TTC23: variants seen among roughly 807,000 people sequenced by gnomAD.
The protein encoded by TTC23 is tetratricopeptide repeat domain 23, also known as tetratricopeptide repeat protein 23.
In TTC23, 58 loss-of-function variants were observed where a neutral mutation model predicts 55.1. The ratio of observed to expected loss-of-function variants is 1.05; its 90% CI spans 0.85 to 1.31. The LOEUF (loss-of-function observed/expected upper bound fraction) is 1.31. Ranked by LOEUF, TTC23 falls within the 50% of genes most tolerant of loss-of-function variation. TTC23 has a pLI of 0.00. For synonymous variants in TTC23, 203 were observed against 199.9 expected, an observed-to-expected ratio of 1.02 and a Z score of -0.13; for missense variants, 516 against 534.4, an observed-to-expected ratio of 0.97 and a Z score of 0.34.
intron 12 of TTC23, chr15:99,140,088 ATAAAG>A (rs2068053243): frequency 9.7e-6 from 2 of 206,924 alleles, no homozygotes; most frequent in South Asian, 8.3e-5. Context: ...ATTTTTTTAA[ATAAAG>A]TAATTAAGAC....
chr15:99,213,965 C>T (rs1300401355), intron 8 of TTC23, among the ~76,000 whole-genome samples: 1 of 152,062 alleles, frequency 6.6e-6, no homozygotes, highest in Admixed American at 6.5e-5. Flanking sequence ...GGAGACAATG[C>T]CAAATAGTTT....
chr15:99,229,144 T>C (rs1596935548), intron 4 of TTC23, among the ~76,000 whole-genome samples: 2 of 150,218 alleles, frequency 1.3e-5, no homozygotes, highest in South Asian at 2.1e-4. Context: ...TGCATGTACA[T>C]ATATATATAT....
chr15:99,238,534 G>T (rs1178817254), intron 3 of TTC23, among the ~76,000 whole-genome samples: 1 of 152,158 alleles, frequency 6.6e-6, no homozygotes, highest in Non-Finnish European at 1.5e-5. Flanking sequence ...GAAGGGAGAA[G>T]AGAAAGCATC....
intron 10 of TTC23, among the ~76,000 whole-genome samples, chr15:99,173,139 C>A (rs779529188): frequency 3.3e-5 from 5 of 152,202 alleles, no homozygotes; most frequent in Non-Finnish European, 7.3e-5. Context: ...ATGGACCCAC[C>A]TCCCCTTACT....
chr15:99,157,440 G>A (rs1855849527), intron 11 of TTC23: 1 of 152,008 alleles, frequency 6.6e-6, no homozygotes, highest in African/African-American at 2.4e-5. Context: ...TTGAACTCCT[G>A]ACCTCAAGTG....
intron 9 of TTC23, among the ~76,000 whole-genome samples, chr15:99,197,030 C>G (rs766427590): frequency 6.6e-6 from 1 of 152,142 alleles, no homozygotes; most frequent in Non-Finnish European, 1.5e-5. Flanking sequence ...ATCTCAGTAC[C>G]TTTTGTAACT....
intron 10 of TTC23, among the ~76,000 whole-genome samples, chr15:99,167,354 A>G (rs2072264400): frequency 6.6e-6 from 1 of 152,248 alleles, no homozygotes; most frequent in Admixed American, 6.5e-5. Context: ...TCTGATGCCG[A>G]AGGCCTGGGC....
At chr15:99,227,145 G>A (rs2078515742) in intron 5 of TTC23, among the ~76,000 whole-genome samples, 1 of 152,166 alleles carries the variant, frequency 6.6e-6, no homozygotes, top group Admixed American at 6.5e-5. Context: ...TAATGAACAA[G>A]CACAACCTCA....
chr15:99,242,205 T>C (rs2079869773), intron 2 of TTC23, among the ~76,000 whole-genome samples: 1 of 150,668 alleles, frequency 6.6e-6, no homozygotes, highest in Non-Finnish European at 1.5e-5. Flanking sequence ...TGTACGCTAG[T>C]TAAGAAGCAA....
chr15:99,214,189 C>T (rs1276910166), intron 8 of TTC23, among the ~76,000 whole-genome samples: 1 of 152,028 alleles, frequency 6.6e-6, no homozygotes, highest in Non-Finnish European at 1.5e-5. Context: ...GCACAGCTCA[C>T]TGCAAACTCA....
At chr15:99,249,050 T>C (rs1313822941) in intron 1 of TTC23, 121 bp downstream of exon 1, 3 of 152,142 alleles carry the variant, frequency 2.0e-5, no homozygotes, top group African/African-American at 7.2e-5. Flanking sequence ...AAAATATCCA[T>C]ATAAAAATTA....
intron 8 of TTC23, among the ~76,000 whole-genome samples, chr15:99,205,292 G>A (rs954821690): frequency 1.3e-5 from 2 of 152,020 alleles, no homozygotes; most frequent in Non-Finnish European, 2.9e-5. Flanking sequence ...GACTTTCGTG[G>A]TTCCACATAA....
intron 1 of TTC23, among the ~76,000 whole-genome samples, chr15:99,248,893 T>C (rs1293103968): frequency 6.6e-6 from 1 of 152,182 alleles, no homozygotes; most frequent in East Asian, 1.9e-4. Context: ...GTATCTGTAG[T>C]ATGTTTTGTT....
upstream of TTC23, among the ~76,000 whole-genome samples, chr15:99,249,998 TA>T (rs556498208): frequency 1.7e-3 from 264 of 152,044 alleles, 2 homozygotes; most frequent in Admixed American, 2.8e-3. Flanking sequence ...TATTCCCCAT[TA>T]AAAAAAAGAA....
chr15:99,168,684 A>G (rs2072490575), intron 10 of TTC23, among the ~76,000 whole-genome samples: 1 of 152,192 alleles, frequency 6.6e-6, no homozygotes, highest in African/African-American at 2.4e-5. Flanking sequence ...AAGGGACAGC[A>G]GTTGGTGAGT....
At chr15:99,234,401 C>T (rs1460297439) in intron 4 of TTC23, among the ~76,000 whole-genome samples, 2 of 152,166 alleles carry the variant, frequency 1.3e-5, no homozygotes, top group South Asian at 2.1e-4. Context: ...GACGGAGTCT[C>T]GCTCTGTCGC....
chr15:99,193,053 G>A (rs1273502742), intron 9 of TTC23, among the ~76,000 whole-genome samples: 1 of 152,128 alleles, frequency 6.6e-6, no homozygotes, highest in Non-Finnish European at 1.5e-5. Context: ...TCTCCCATTT[G>A]GAATGGCTGC....
chr15:99,175,074 C>A lies in TTC23; in HGVS notation c.841G>T (p.Ala281Ser). The A allele has an allele frequency of 6.2e-7, 1 of 1,614,136 alleles. No individual in the cohort carries two copies. Among genetic ancestry groups the A allele is most frequent in the Non-Finnish European group, 8.5e-7 (1 of 1,180,020 alleles). Residue 281 changes from alanine (A) to serine (S), a missense_variant, in exon 10 of 14, where the codon GCT becomes TCT. Ala to Ser is a moderately conservative substitution (Grantham distance 99). Coordinates refer to ENST00000394132, the MANE Select transcript of TTC23 (RefSeq NM_001288615.3). ...CCATGGTGCTCGTGTCTCCCTGAAG[C>A]GACAGCAGCATGGGCGACGATGTGT... ...SAHIVAHAAVASGRHEHHDVA... is the reference protein window; with the variant it reads ...SAHIVAHAAVSSGRHEHHDVA...
rs570663393 is a variant in TTC23, at chr15:99,186,574, T to G, written c.760-11419A>C. 1.6e-4 allele frequency among the ~76,000 whole-genome samples: 25 copies of G among 152,220 alleles called. No homozygotes were observed. In the South Asian group the frequency reaches 5.2e-3, roughly 32 times the overall value. ...TTTGAACACATTTAGAAAACTTGTG[T>G]GGCAAAAAGCAGAAATAGCACTAAT... On this transcript the variant is annotated intron_variant, in intron 9 of 13. Transcript: ENST00000394132.
Sources: gnomAD v4.1 joint callset for allele counts (sites outside exome capture counted in the v4.1 genomes callset) on GRCh38, gnomAD v4.1.1 for gene constraint, MANE v1.5 for transcripts, NCBI Gene and HGNC (gene_info 2026-07-23, HGNC 2026-07-21) for gene names.